The following NTMT1 variants were observed in gnomAD, a reference collection of about 807,000 sequenced individuals.
The protein encoded by NTMT1 is N-terminal RCC1 methyltransferase.
A neutral mutation model predicts 17.5 loss-of-function variants in NTMT1; 8 were observed. The observed-to-expected ratio is 0.46, with a 90% CI of 0.27 to 0.82. The LOEUF is 0.82. Ranked by LOEUF, NTMT1 falls within the 40% of genes least tolerant of loss-of-function variation. NTMT1 has a pLI of 0.15. For missense variants in NTMT1, 221 were observed against 303.5 expected (o/e 0.73, Z 2.02); for synonymous variants, 128 against 126.8 (o/e 1.01, Z -0.06).
intron 3 of NTMT1, chr9:129,634,598 A>C: frequency 4.0e-5 from 14 of 354,350 alleles, no homozygotes; most frequent in Middle Eastern, 7.6e-4. Flanking sequence ...ACTGCATTCA[A>C]AGTGAGGAGT....
upstream of NTMT1, among the ~76,000 whole-genome samples, chr9:129,624,086 G>A (rs191615168): frequency 1.3e-5 from 2 of 152,142 alleles, no homozygotes; most frequent in Non-Finnish European, 2.9e-5. Context: ...GAGCCACTGC[G>A]CCTGGCCTAA....
At chr9:129,619,850 G>C in intron 1 of NTMT1, 1 of 1,611,752 alleles carries the variant, frequency 6.2e-7, no homozygotes, top group South Asian at 1.1e-5. Flanking sequence ...GGAGGAAACA[G>C]TTGTGAGCCT....
intron 1 of NTMT1, among the ~76,000 whole-genome samples, chr9:129,618,415 TGG>T (rs371228376): frequency 1.3e-5 from 2 of 152,144 alleles, no homozygotes; most frequent in African/African-American, 4.8e-5. Flanking sequence ...GATGGAAGAC[TGG>T]GTGGGTGGGT....
chr9:129,631,435 A>T (rs1831159980), intron 1 of NTMT1, among the ~76,000 whole-genome samples: 2 of 152,144 alleles, frequency 1.3e-5, no homozygotes, highest in South Asian at 4.2e-4. Flanking sequence ...CCCAACTGTC[A>T]TCGCTGTCCT....
rs372578515 is a variant in NTMT1 at position 129,635,500 on chromosome 9, C to A, written c.*36C>A. The A allele has an allele frequency of 7.4e-5, 117 of 1,585,184 alleles. No individual in the cohort carries two copies. In the Middle Eastern group the frequency reaches 1.3e-3, roughly 18 times the overall value. ...GCAGGAGAAACTGAGGAACCACAGT[C>A]CTGGTGGGGGGAGCTGGCAGCTGGG... On this transcript the variant is annotated 3_prime_UTR_variant, in exon 4 of 4. Transcript: ENST00000372483.
chr9:129,611,090 C>G (rs965542359), intron 1 of NTMT1, among the ~76,000 whole-genome samples: 7 of 152,178 alleles, frequency 4.6e-5, no homozygotes, highest in Non-Finnish European at 1.5e-5. Flanking sequence ...TAGGGCGCCT[C>G]TCCCAAAAGG....
rs576290264 is a variant in NTMT1 at position 129,611,075 on chromosome 9, G to A, written c.-55+1897G>A. On this transcript the variant is annotated intron_variant, in intron 1 of 3. Transcript: ENST00000372486. The stretch of plus-strand genomic sequence containing the variant: ...ACCCTAGCTCTATTGCCCTTCTTCT[G>A]GAGTTAGGGCGCCTCTCCCAAAAGG... Among the ~76,000 whole-genome samples the A allele has an allele frequency of 2.0e-5, 3 of 152,258 alleles. No homozygotes were observed. The East Asian group carries it at 5.8e-4, about 29-fold the overall frequency.
intron 1 of NTMT1, chr9:129,612,079 T>G (rs1011571411): frequency 4.9e-6 from 2 of 408,414 alleles, no homozygotes; most frequent in Non-Finnish European, 9.2e-6. Context: ...TGTGGCAGGG[T>G]CTCCCACCTT....
chr9:129,609,120 T>A (rs1461293952), exon 1 of NTMT1: 1 of 152,354 alleles, frequency 6.6e-6, no homozygotes, highest in African/African-American at 2.4e-5. Context: ...AGGGCTCTGC[T>A]GGCTCAGGAC....
At chr9:129,630,196 G>A (rs112147977) in intron 1 of NTMT1, among the ~76,000 whole-genome samples, 103 of 152,252 alleles carry the variant, frequency 6.8e-4, no homozygotes, top group African/African-American at 2.2e-3. Flanking sequence ...ATCTTGGCTG[G>A]GTGCAGTGGT....
Position 129,635,265 on chromosome 9 carries a change from G to A in NTMT1, c.473G>A (p.Arg158His), listed in dbSNP as rs1438440440. The A allele has an allele frequency of 3.1e-6, 5 of 1,613,260 alleles. No homozygotes were observed. The highest frequency in any genetic ancestry group is 1.1e-5 in the South Asian group (1 of 91,088). ...EFLRRCKGSL[R>H]PNGIIVIKDN... ...CTGCGGCGCTGCAAGGGCAGCCTCC[G>A]CCCCAACGGCATCATCGTCATCAAA... Residue 158 changes from arginine to histidine, a missense_variant, in exon 4 of 4, where the codon CGC (arginine) becomes CAC (histidine). Transcript: ENST00000372483.
chr9:129,634,452 G>T, intron 3 of NTMT1, 146 bp downstream of exon 3: 1 of 694,590 alleles, frequency 1.4e-6, no homozygotes, highest in Non-Finnish European at 2.0e-6. Flanking sequence ...CCCCCACCCC[G>T]TACTTCCCAG....
At chr9:129,619,772 C>A in intron 1 of NTMT1, 1 of 1,614,094 alleles carries the variant, frequency 6.2e-7, no homozygotes, top group Non-Finnish European at 8.5e-7. Flanking sequence ...AGTTGGGACA[C>A]CGCGGAGACC....
chr9:129,635,510 G>T lies in NTMT1; in HGVS notation c.*46G>T, dbSNP rs1239787007. On this transcript the variant is annotated 3_prime_UTR_variant, in exon 4 of 4. Transcript: ENST00000372483. ...CTGAGGAACCACAGTCCTGGTGGGGGGAGCTGGCAGCTGGGCAAGATCCAG... is the reference window on the plus strand; with the variant it reads ...CTGAGGAACCACAGTCCTGGTGGGGTGAGCTGGCAGCTGGGCAAGATCCAG... 6.4e-7 allele frequency: 1 copy of T among 1,574,358 alleles called. No individual in the cohort carries two copies. The highest frequency in any genetic ancestry group is 8.6e-7 in the Non-Finnish European group (1 of 1,158,818).
intron 1 of NTMT1, among the ~76,000 whole-genome samples, chr9:129,616,307 C>A (rs536484208): frequency 6.6e-6 from 1 of 152,290 alleles, no homozygotes; most frequent in Admixed American, 6.5e-5. Context: ...GCTCCGCCTC[C>A]CGGGTTCACG....
In NTMT1 at chr9:129,632,872, A is replaced by G. The variant is rs778429438; in HGVS notation, c.162+7A>G. 3.7e-6 allele frequency: 6 copies of G among 1,613,344 alleles called. No individual in the cohort carries two copies. Among genetic ancestry groups the G allele is most frequent in the Non-Finnish European group, 5.1e-6 (6 of 1,179,662 alleles). ...TCTGCAGAGGTTTTTGAGGGTAGGCAGGTCTGGCGTGCTCTCCAGGAGAGG... is the reference window on the plus strand; with the variant it reads ...TCTGCAGAGGTTTTTGAGGGTAGGCGGGTCTGGCGTGCTCTCCAGGAGAGG... On this transcript the variant is annotated splice_region_variant and intron_variant, in intron 2 of 3. Transcript: ENST00000372483.
At chr9:129,631,637 A>T (rs1312298723) in intron 1 of NTMT1, among the ~76,000 whole-genome samples, 1 of 152,178 alleles carries the variant, frequency 6.6e-6, no homozygotes, top group Non-Finnish European at 1.5e-5. Context: ...GCTCTGTAGG[A>T]TGCAGTCGAA....
chr9:129,622,003 G>A (rs1055320753), upstream of NTMT1, among the ~76,000 whole-genome samples: 6 of 152,224 alleles, frequency 3.9e-5, no homozygotes, highest in Admixed American at 3.9e-4. Flanking sequence ...CTGAGTAGCA[G>A]TGGGCACTGA....
intron 2 of NTMT1, 65 bp from the exon 3 acceptor site, chr9:129,633,989 G>A (rs1335310589): frequency 7.1e-6 from 11 of 1,548,158 alleles, no homozygotes; most frequent in Admixed American, 1.9e-5. Context: ...CCTAGGGCTC[G>A]TGAGGAAGGG....
Sources: gnomAD v4.1 joint callset for allele counts (sites outside exome capture counted in the v4.1 genomes callset) on GRCh38, gnomAD v4.1.1 for gene constraint, MANE v1.5 for transcripts, NCBI Gene and HGNC (gene_info 2026-07-23, HGNC 2026-07-21) for gene names.